The following USP24 variants were observed in gnomAD, a reference collection of about 807,000 sequenced individuals.
The protein encoded by USP24 is ubiquitin carboxyl-terminal hydrolase 24.
In USP24, 97 loss-of-function variants were observed where a neutral mutation model predicts 361.6. The observed-to-expected ratio is 0.27, with a 90% CI of 0.23 to 0.32. The LOEUF is 0.32. USP24 is among the 10% of genes least tolerant of loss of function. The probability of loss-of-function intolerance (pLI) is 1.00; values close to 1 mark genes in which losing one functional copy is unlikely to be tolerated. For missense variants in USP24, 2,353 were observed against 3,165.6 expected (o/e 0.74, Z 6.16); for synonymous variants, 1,098 against 1,124.6 (o/e 0.98, Z 0.47).
intron 17 of USP24, 66 bp downstream of exon 17, chr1:55,148,397 G>C (rs1340384451): frequency 2.2e-5 from 27 of 1,218,486 alleles, no homozygotes; most frequent in Non-Finnish European, 3.1e-5. Flanking sequence ...AGCAATTTTA[G>C]CCATGTTTTG....
Position 55,154,434 on chromosome 1 carries a change from C to T in USP24, c.1587G>A (p.Gln529=). 3.9e-6 allele frequency: 6 copies of T among 1,551,488 alleles called. No individual in the cohort carries two copies. Among genetic ancestry groups the T allele is most frequent in the Non-Finnish European group, 5.2e-6 (6 of 1,146,826 alleles). Residue 529 remains glutamine, a synonymous_variant, in exon 14 of 68, where the codon CAG becomes CAA. Transcript: ENST00000294383. ...TTCGTCCAATCAGGCTCAAAAGCTT[C>T]TGTCTTACTCTATCACTCTCAGTCT... is the stretch of plus-strand genomic sequence containing the variant. The part of the protein sequence containing the change: ...SWETESDRVR[Q]KLLSLIGRIG...
chr1:55,072,643 G>A, intron 65 of USP24, 143 bp downstream of exon 65: 1 of 886,882 alleles, frequency 1.1e-6, no homozygotes, highest in East Asian at 2.7e-5. Flanking sequence ...ATGCACACAA[G>A]ATATAAACTG....
At chr1:55,103,324 T>TA (rs1460720126) in intron 42 of USP24, among the ~76,000 whole-genome samples, 2 of 152,224 alleles carry the variant, frequency 1.3e-5, no homozygotes, top group Non-Finnish European at 2.9e-5. Context: ...CTCTCTGTGT[T>TA]AGAGCATTGA....
At chr1:55,111,076 T>C (rs1437254859) in intron 38 of USP24, among the ~76,000 whole-genome samples, 2 of 152,070 alleles carry the variant, frequency 1.3e-5, no homozygotes, top group Admixed American at 1.3e-4. Flanking sequence ...CAGTTTAGTA[T>C]GCTGTGTGGT....
chr1:55,073,393 G>A (rs1211194710), intron 64 of USP24, among the ~76,000 whole-genome samples: 1 of 152,082 alleles, frequency 6.6e-6, no homozygotes, highest in Non-Finnish European at 1.5e-5. Flanking sequence ...GATAATACAG[G>A]CAAGGTTCTT....
At chr1:55,162,123 T>A (rs924776582) in intron 8 of USP24, 76 bp downstream of exon 8, 1 of 1,377,066 alleles carries the variant, frequency 7.3e-7, no homozygotes, top group Admixed American at 2.5e-5. Context: ...CCACTCTGAA[T>A]AACCTGATAA....
At chr1:55,199,588 A>AGTGT (rs55710750) in intron 1 of USP24, among the ~76,000 whole-genome samples, 16 of 146,496 alleles carry the variant, frequency 1.1e-4, no homozygotes, top group African/African-American at 3.5e-4. Flanking sequence ...GTTCAGAAAA[A>AGTGT]GTGTGTGTGT....
intron 43 of USP24, 55 bp from the exon 44 acceptor site, chr1:55,101,019 ACT>A (rs1645620772): frequency 1.3e-6 from 2 of 1,580,514 alleles, no homozygotes; most frequent in East Asian, 2.3e-5. Context: ...TTCACAGGAA[ACT>A]CTGACATATG....
At chr1:55,073,035 T>G in intron 64 of USP24, 174 bp from the exon 65 acceptor site, 1 of 608,222 alleles carries the variant, frequency 1.6e-6, no homozygotes, top group Non-Finnish European at 2.8e-6. Context: ...TTACAATTGC[T>G]TCCCCCAGGG....
At chr1:55,203,342 C>T (rs1245187885) in intron 1 of USP24, among the ~76,000 whole-genome samples, 2 of 152,186 alleles carry the variant, frequency 1.3e-5, no homozygotes, top group Non-Finnish European at 1.5e-5. Flanking sequence ...AGGCAGAAGG[C>T]TGGGTTCCTT....
rs766165295 is a variant in USP24, at chr1:55,162,242, G to A, written c.950C>T (p.Pro317Leu). ...ELGAVSALIQ[P>L]LGVCAEYLNS... ...GAGGTACTCTGCACACACTCCTAAG[G>A]GCTGAATCAGTGCTGAGACAGCCTG... The change falls in exon 8 of 68, where the codon CCC becomes CTC. Residue 317 changes from proline (P) to leucine (L), a missense_variant. Physicochemically the swap from Pro to Leu is moderately conservative, Grantham distance 98. Around this residue, in one of 8 missense-constraint regions of USP24, gnomAD observed 386 missense variants for 560.5 expected, o/e 0.69. Transcript: ENST00000294383. 1.3e-6 allele frequency: 2 copies of A among 1,593,108 alleles called. No homozygotes were observed. The highest frequency in any genetic ancestry group is 1.2e-5 in the South Asian group (1 of 86,532).
At chr1:55,079,793 T>TGAGTACTCTCACATAGTACTCACACA in intron 59 of USP24, 134 bp from the exon 60 acceptor site, 1 of 1,051,218 alleles carries the variant, frequency 9.5e-7, no homozygotes, top group Non-Finnish European at 1.3e-6. Context: ...ACTCACACAC[T>TGAGTACTCTCACATAGTACTCACACA]GAGTACTCAC....
chr1:55,082,033 T>C (rs1033949976), intron 58 of USP24, among the ~76,000 whole-genome samples: 1 of 152,178 alleles, frequency 6.6e-6, no homozygotes, highest in African/African-American at 2.4e-5. Flanking sequence ...CAACATAGTA[T>C]CCACACACAG....
At chr1:55,136,415 G>A (rs1244462205) in intron 28 of USP24, among the ~76,000 whole-genome samples, 1 of 152,156 alleles carries the variant, frequency 6.6e-6, no homozygotes, top group African/African-American at 2.4e-5. Flanking sequence ...GAGTGAGACA[G>A]GAGCCACTCG....
chr1:55,071,054 T>G, intron 67 of USP24: 1 of 852,482 alleles, frequency 1.2e-6, no homozygotes, highest in Non-Finnish European at 1.4e-6. Flanking sequence ...GGGCTGCAGT[T>G]ACCTTTCTGT....
At chr1:55,095,851 T>C (rs764368209) in intron 50 of USP24, among the ~76,000 whole-genome samples, 1 of 152,106 alleles carries the variant, frequency 6.6e-6, no homozygotes, top group Non-Finnish European at 1.5e-5. Context: ...ATAAGATGCT[T>C]AACTATAATG....
At chr1:55,100,404 G>C (rs890311818) in intron 44 of USP24, among the ~76,000 whole-genome samples, 2 of 151,874 alleles carry the variant, frequency 1.3e-5, no homozygotes, top group African/African-American at 4.8e-5. Context: ...GCTGAGGCAG[G>C]ATAATCGCTT....
chr1:55,171,950 G>A (rs776784316), intron 4 of USP24, among the ~76,000 whole-genome samples: 1 of 152,152 alleles, frequency 6.6e-6, no homozygotes, highest in Non-Finnish European at 1.5e-5. Context: ...TGCCCCAAGT[G>A]TGCTAGGGCT....
chr1:55,115,362 G>A (rs1174749724), intron 38 of USP24, among the ~76,000 whole-genome samples: 1 of 150,900 alleles, frequency 6.6e-6, no homozygotes, highest in Non-Finnish European at 1.5e-5. Flanking sequence ...CGGGCGTAGT[G>A]GCGGGCGCCT....
Sources: gnomAD v4.1 joint callset for allele counts (sites outside exome capture counted in the v4.1 genomes callset) on GRCh38, gnomAD v4.1.1 for gene constraint, gnomAD v4.1.1 regional missense constraint, MANE v1.5 for transcripts, NCBI Gene and HGNC (gene_info 2026-07-23, HGNC 2026-07-21) for gene names.